Variants in ASB5 observed in about 807,000 individuals in gnomAD.
ASB5 encodes the protein ankyrin repeat and SOCS box containing 5.
Under a neutral mutation model 42.1 loss-of-function variants are expected in ASB5, and 45 were observed. That is an observed-to-expected ratio of 1.07 (90% confidence interval 0.84 to 1.37). ASB5 has a LOEUF of 1.37. ASB5 is among the 40% of genes most tolerant of loss of function. The probability of loss-of-function intolerance (pLI) is 0.00; values close to 1 mark genes in which losing one functional copy is unlikely to be tolerated. For missense variants in ASB5, 402 were observed against 399.8 expected (o/e 1.01, Z -0.05); for synonymous variants, 147 against 150.6 (o/e 0.98, Z 0.18).
chr4:176,245,681 A>G (rs1251546913), intron 1 of ASB5, among the ~76,000 whole-genome samples: 2 of 152,200 alleles, frequency 1.3e-5, no homozygotes, highest in Admixed American at 6.5e-5. Flanking sequence ...GATTAAGAAA[A>G]TGTGGCACAT....
chr4:176,241,574 C>A (rs781761909), intron 1 of ASB5: 439 of 1,490,080 alleles, frequency 2.9e-4, no homozygotes, highest in Non-Finnish European at 3.8e-4. Flanking sequence ...CCTCATACAA[C>A]CTTTAGGAGT....
intron 1 of ASB5, among the ~76,000 whole-genome samples, chr4:176,247,075 T>C: frequency 6.6e-6 from 1 of 152,142 alleles, no homozygotes; most frequent in East Asian, 1.9e-4. Flanking sequence ...TGTAAAAATT[T>C]ATTAAGATAT....
At chr4:176,246,005 C>A (rs557711354) in intron 1 of ASB5, among the ~76,000 whole-genome samples, 159 of 151,464 alleles carry the variant, frequency 1.0e-3, no homozygotes, top group African/African-American at 3.7e-3. Flanking sequence ...ATGTAACAAA[C>A]CTGCACGTTG....
At chr4:176,228,023 T>C (rs1753427439) in intron 1 of ASB5, among the ~76,000 whole-genome samples, 2 of 152,206 alleles carry the variant, frequency 1.3e-5, no homozygotes, top group Admixed American at 1.3e-4. Context: ...CAAGATACTA[T>C]AGCAATAGTG....
chr4:176,218,678 A>T (rs1363910075), intron 5 of ASB5, among the ~76,000 whole-genome samples: 6 of 54,884 alleles, frequency 1.1e-4, no homozygotes, highest in Non-Finnish European at 2.1e-4. Context: ...AAATATATAT[A>T]TATTTGTATG....
chr4:176,237,343 C>G (rs559015189), intron 1 of ASB5: 1 of 985,854 alleles, frequency 1.0e-6, no homozygotes, highest in South Asian at 4.7e-5. Flanking sequence ...AAGAACATTC[C>G]TCTATACTCA....
intron 2 of ASB5, among the ~76,000 whole-genome samples, chr4:176,223,275 T>C (rs1753276295): frequency 6.6e-6 from 1 of 152,156 alleles, no homozygotes; most frequent in African/African-American, 2.4e-5. Flanking sequence ...ATAGTTTTAA[T>C]TTGGACAAAT....
At chr4:176,263,991 G>A (rs992543048) in intron 1 of ASB5, among the ~76,000 whole-genome samples, 2 of 151,070 alleles carry the variant, frequency 1.3e-5, no homozygotes, top group Non-Finnish European at 2.9e-5. Context: ...TCAGCTTAAG[G>A]TCACACATTT....
At chr4:176,242,875 A>T (rs9790811) in intron 1 of ASB5, among the ~76,000 whole-genome samples, 77,402 of 151,972 alleles carry the variant, frequency 0.51, 20,335 homozygotes, top group African/African-American at 0.64. Flanking sequence ...CATTTTGTTA[A>T]TGATTTCTAC....
intron 1 of ASB5, among the ~76,000 whole-genome samples, chr4:176,230,581 A>T (rs1208059683): frequency 1.3e-5 from 2 of 152,242 alleles, no homozygotes; most frequent in Non-Finnish European, 2.9e-5. Flanking sequence ...ATCTAATAAC[A>T]TATGAGAATC....
intron 5 of ASB5, among the ~76,000 whole-genome samples, chr4:176,217,424 C>G (rs1388193899): frequency 6.6e-6 from 1 of 151,934 alleles, no homozygotes; most frequent in Non-Finnish European, 1.5e-5. Flanking sequence ...TATTCAGGTG[C>G]TTATTTCTAT....
At chr4:176,277,112 C>A (rs947053357) in intron 1 of ASB5, 3 of 152,064 alleles carry the variant, frequency 2.0e-5, no homozygotes, top group African/African-American at 7.3e-5. Context: ...GAGAATATGC[C>A]CTGCATTTTT....
chr4:176,272,308 T>C (rs1754483960), upstream of ASB5, among the ~76,000 whole-genome samples: 1 of 152,218 alleles, frequency 6.6e-6, no homozygotes, highest in African/African-American at 2.4e-5. Flanking sequence ...CTGCTTTTAA[T>C]GGCAAAAATC....
chr4:176,215,588 T>G lies in ASB5; in HGVS notation c.*12A>C. 6.2e-7 allele frequency: 1 copy of G among 1,605,212 alleles called. No homozygotes were observed. The highest frequency in any genetic ancestry group is 8.5e-7 in the Non-Finnish European group (1 of 1,176,308). On this transcript the variant is annotated 3_prime_UTR_variant, in exon 7 of 7. Coordinates refer to ENST00000296525, the MANE Select transcript of ASB5 (RefSeq NM_080874.4). ...TTTTGATTTTCAAGGTATTTAGAAT[T>G]ACTTTACTGTTTTATCGATACTGTA...
chr4:176,247,454 A>G (rs1753933819), intron 1 of ASB5, among the ~76,000 whole-genome samples: 1 of 152,338 alleles, frequency 6.6e-6, no homozygotes, highest in East Asian at 1.9e-4. Context: ...AAAGCTACAG[A>G]AATCAGTTTA....
At chr4:176,227,610 G>C (rs1219705520) in intron 1 of ASB5, among the ~76,000 whole-genome samples, 1 of 152,160 alleles carries the variant, frequency 6.6e-6, no homozygotes, top group Non-Finnish European at 1.5e-5. Flanking sequence ...CTGATCCTTT[G>C]AGGTTGGCGC....
At chr4:176,258,038 T>C (rs944051898) in intron 1 of ASB5, among the ~76,000 whole-genome samples, 6 of 152,234 alleles carry the variant, frequency 3.9e-5, no homozygotes, top group African/African-American at 1.2e-4. Context: ...TTTATTACAA[T>C]GTTAATGTTA....
intron 1 of ASB5, among the ~76,000 whole-genome samples, chr4:176,256,451 T>TCC (rs1486719371): frequency 2.0e-5 from 3 of 152,156 alleles, no homozygotes; most frequent in African/African-American, 7.2e-5. Flanking sequence ...AAAGCTCAGT[T>TCC]TTAGGATCGA....
At chr4:176,272,455 T>C (rs1309193045), upstream of ASB5, among the ~76,000 whole-genome samples, 2 of 152,136 alleles carry the variant, frequency 1.3e-5, no homozygotes, top group East Asian at 3.8e-4. Context: ...GACATCAGTG[T>C]TCAGGGGATG....
Sources: allele counts gnomAD v4.1 joint callset (sites outside exome capture counted in the v4.1 genomes callset), GRCh38; gene constraint gnomAD v4.1.1; transcripts MANE v1.5; gene names NCBI Gene and HGNC (gene_info 2026-07-23, HGNC 2026-07-21).